Variants in TAF4B observed in about 807,000 individuals in gnomAD.
TAF4B encodes the protein TATA-box binding protein associated factor 4b.
A neutral mutation model predicts 86.4 loss-of-function variants in TAF4B; 38 were observed. The ratio of observed to expected loss-of-function variants is 0.44; its 90% CI spans 0.34 to 0.58. TAF4B has a LOEUF of 0.58. Ranked by LOEUF, TAF4B falls within the 20% of genes least tolerant of loss-of-function variation. The pLI, the probability that TAF4B is intolerant of heterozygous loss-of-function variation, is 0.02. For synonymous variants in TAF4B, 388 were observed against 391.2 expected (o/e 0.99, Z 0.10); for missense variants, 988 against 1,027.6 (o/e 0.96, Z 0.53).
chr18:26,293,767 A>G (rs1348305234), intron 9 of TAF4B, among the ~76,000 whole-genome samples: 1 of 152,196 alleles, frequency 6.6e-6, no homozygotes, highest in African/African-American at 2.4e-5. Context: ...GATACTGAAC[A>G]TATTCATCAC....
intron 12 of TAF4B, among the ~76,000 whole-genome samples, chr18:26,328,018 T>C (rs916267210): frequency 9.2e-5 from 14 of 152,256 alleles, no homozygotes; most frequent in Non-Finnish European, 1.5e-4. Context: ...TTTGGGCCAT[T>C]GTGAGAAATC....
rs369959747 is a variant in TAF4B, at chr18:26,246,613, A to C, written c.344-18557A>C. 9.2e-5 allele frequency among the ~76,000 whole-genome samples: 14 copies of C among 151,814 alleles called. 1 individual carries two copies. The East Asian group carries it at 2.7e-3, about 29-fold the overall frequency. On this transcript the variant is annotated intron_variant, in intron 1 of 14. Transcript: ENST00000269142. ...CAGTGGCGCGATCTCAGCTCACTGCAACCTCCACCTCCCAGGTTCAAGCCA... is the reference window on the plus strand; with the variant it reads ...CAGTGGCGCGATCTCAGCTCACTGCCACCTCCACCTCCCAGGTTCAAGCCA...
intron 9 of TAF4B, among the ~76,000 whole-genome samples, chr18:26,302,081 C>T (rs1369540175): frequency 6.6e-6 from 1 of 152,130 alleles, no homozygotes; most frequent in African/African-American, 2.4e-5. Flanking sequence ...TTCTTGTCCT[C>T]AAAACAATTG....
intron 9 of TAF4B, chr18:26,304,944 C>T: frequency 3.5e-6 from 3 of 856,386 alleles, no homozygotes; most frequent in Non-Finnish European, 4.2e-6. Context: ...GCTTTCCAGA[C>T]TTATGTACAT....
chr18:26,337,276 T>G (rs866448202), intron 13 of TAF4B, among the ~76,000 whole-genome samples: 5 of 152,206 alleles, frequency 3.3e-5, no homozygotes, highest in South Asian at 2.1e-4. Context: ...TCAAATATTG[T>G]CATTTTTGTC....
intron 1 of TAF4B, among the ~76,000 whole-genome samples, chr18:26,243,190 G>A (rs2055867410): frequency 6.6e-6 from 1 of 152,146 alleles, no homozygotes; most frequent in South Asian, 2.1e-4. Flanking sequence ...TTCCAACTTG[G>A]TTCCATTCTC....
intron 10 of TAF4B, 83 bp downstream of exon 10, chr18:26,315,481 T>C: frequency 9.1e-7 from 1 of 1,102,508 alleles, no homozygotes; most frequent in Non-Finnish European, 1.2e-6. Context: ...CCTGGGTTGG[T>C]TGTCCTGGAA....
chr18:26,279,733 T>C (rs560145698), intron 5 of TAF4B, among the ~76,000 whole-genome samples: 2 of 152,112 alleles, frequency 1.3e-5, no homozygotes, highest in East Asian at 1.9e-4. Flanking sequence ...ATCTTTGACA[T>C]TGTCAACAAA....
At chr18:26,331,075 G>T (rs1010082437) in intron 12 of TAF4B, among the ~76,000 whole-genome samples, 1 of 152,094 alleles carries the variant, frequency 6.6e-6, no homozygotes, top group Non-Finnish European at 1.5e-5. Context: ...TTGTCACTGT[G>T]CTGCTTCCTG....
chr18:26,240,543 G>A (rs1236727796), intron 1 of TAF4B, among the ~76,000 whole-genome samples: 2 of 152,180 alleles, frequency 1.3e-5, no homozygotes, highest in Non-Finnish European at 2.9e-5. Flanking sequence ...GGGACAATTT[G>A]ACTTCCTCTT....
At chr18:26,255,409 GCCTGGCCAACGTGGTGAAAC>G (rs1348559474) in intron 1 of TAF4B, among the ~76,000 whole-genome samples, 4 of 151,886 alleles carry the variant, frequency 2.6e-5, no homozygotes, top group African/African-American at 9.7e-5. Context: ...TTTGAGACCA[GCCTGGCCAACGTGGTGAAAC>G]CCTGTCTCTA....
chr18:26,311,765 A>G (rs968839826), intron 9 of TAF4B, among the ~76,000 whole-genome samples: 1 of 152,184 alleles, frequency 6.6e-6, no homozygotes, highest in Non-Finnish European at 1.5e-5. Flanking sequence ...ATTACCTGGA[A>G]GACCTTGGAT....
chr18:26,331,007 C>G (rs2057046002), intron 12 of TAF4B, among the ~76,000 whole-genome samples: 1 of 152,130 alleles, frequency 6.6e-6, no homozygotes. Context: ...TATTCTTCAC[C>G]ACTGGCCTAT....
rs71169836 is a variant in TAF4B, at chr18:26,255,603, C to CAAAAAAAAAAAAAAAAAAAAA, written c.344-9552_344-9551insAAAAAAAAAAAAAAAAAAAAA. The CAAAAAAAAAAAAAAAAAAAAA allele has an allele frequency of 3.3e-4, 162 of 486,106 alleles. 4 individuals are homozygous for CAAAAAAAAAAAAAAAAAAAAA. The African/African-American group carries it at 4.8e-3, about 15-fold the overall frequency. The allele number at this position is 486,106 out of a possible 1,614,324, so 30.1% of individuals were successfully genotyped here. On this transcript the variant is annotated intron_variant, in intron 1 of 14. Transcript: ENST00000269142. ...GACAACAAGAGCAAAACTCTGTCTC[C>CAAAAAAAAAAAAAAAAAAAAA]AAAAAAAAAAAAAAAGAGGGTCAGT...
intron 7 of TAF4B, among the ~76,000 whole-genome samples, chr18:26,291,001 T>C (rs1448153631): frequency 6.6e-6 from 1 of 152,214 alleles, no homozygotes; most frequent in African/African-American, 2.4e-5. Context: ...TCTCAAAGAA[T>C]AAGGGCAATT....
chr18:26,333,044 A>T lies in TAF4B; in HGVS notation c.2260-2131A>T, dbSNP rs141852738. Reference sequence around the variant, plus strand: ...TTTTCCTCCAGATCTTTGCATGACTACATCTTTTTTGTTGTTTAGATATCT... The same window carrying T: ...TTTTCCTCCAGATCTTTGCATGACTTCATCTTTTTTGTTGTTTAGATATCT... On this transcript the variant is annotated intron_variant, in intron 12 of 14. Transcript: ENST00000269142. 4.5e-3 allele frequency among the ~76,000 whole-genome samples: 687 copies of T among 151,812 alleles called. 8 individuals are homozygous for T. Among genetic ancestry groups the T allele is most frequent in the African/African-American group, 0.016 (663 of 41,372 alleles).
intron 14 of TAF4B, among the ~76,000 whole-genome samples, chr18:26,358,087 T>C (rs2057302527): frequency 6.6e-6 from 1 of 152,212 alleles, no homozygotes; most frequent in Non-Finnish European, 1.5e-5. Context: ...TTCTGTACAT[T>C]GTTTCTAGTG....
At chr18:26,238,561 T>A (rs914021265) in intron 1 of TAF4B, among the ~76,000 whole-genome samples, 6 of 152,158 alleles carry the variant, frequency 3.9e-5, no homozygotes, top group African/African-American at 1.2e-4. Context: ...TTATTTATTT[T>A]TTTATAAGTA....
At chr18:26,235,342 G>A (rs944568084) in intron 1 of TAF4B, among the ~76,000 whole-genome samples, 1 of 152,170 alleles carries the variant, frequency 6.6e-6, no homozygotes, top group East Asian at 1.9e-4. Context: ...CATAGGGCAA[G>A]GATAAGCCAG....
Sources: gnomAD v4.1 joint callset for allele counts (sites outside exome capture counted in the v4.1 genomes callset) on GRCh38, gnomAD v4.1.1 for gene constraint, MANE v1.5 for transcripts, NCBI Gene and HGNC (gene_info 2026-07-23, HGNC 2026-07-21) for gene names.